Variants in BRINP1 observed in about 807,000 individuals in gnomAD.
BRINP1 encodes the protein BMP/retinoic acid inducible neural specific 1, also known as BMP/retinoic acid-inducible neural-specific protein 1.
BRINP1 carries 17 observed loss-of-function variants against 72.9 expected under a neutral mutation model. The ratio of observed to expected loss-of-function variants is 0.23; its 90% CI spans 0.16 to 0.35. The LOEUF is 0.35. Among genes scored for constraint, BRINP1 ranks in the 10% least tolerant of loss-of-function variants. The probability of loss-of-function intolerance (pLI) is 1.00; values close to 1 mark genes in which losing one functional copy is unlikely to be tolerated. For missense variants in BRINP1, 850 were observed against 1,001.6 expected, an observed-to-expected ratio of 0.85 and a Z score of 2.04; for synonymous variants, 418 against 378.5, an observed-to-expected ratio of 1.10 and a Z score of -1.21.
intron 2 of BRINP1, among the ~76,000 whole-genome samples, chr9:119,277,295 A>G (rs1274752257): frequency 6.6e-6 from 1 of 152,162 alleles, no homozygotes; most frequent in Non-Finnish European, 1.5e-5. Context: ...CGTCCAATGC[A>G]TTGGCTTTGA....
chr9:119,365,409 T>C (rs1360250026), intron 1 of BRINP1, among the ~76,000 whole-genome samples: 1 of 152,200 alleles, frequency 6.6e-6, no homozygotes, highest in East Asian at 1.9e-4. Context: ...TGGTTACCAG[T>C]AGTTCAGCAG....
intron 5 of BRINP1, among the ~76,000 whole-genome samples, chr9:119,225,632 T>C (rs1250024885): frequency 6.6e-6 from 1 of 151,936 alleles, no homozygotes; most frequent in African/African-American, 2.4e-5. Context: ...CCCACGGATA[T>C]GGAACTCAAG....
chr9:119,201,347 TACTCTC>T (rs1003999927), intron 7 of BRINP1, among the ~76,000 whole-genome samples: 2 of 152,244 alleles, frequency 1.3e-5, no homozygotes, highest in African/African-American at 2.4e-5. Context: ...ATTGAACTAT[TACTCTC>T]ATTCTCTGTA....
intron 4 of BRINP1, among the ~76,000 whole-genome samples, chr9:119,241,174 A>G (rs966457002): frequency 1.3e-5 from 2 of 152,208 alleles, no homozygotes; most frequent in Non-Finnish European, 2.9e-5. Context: ...AACTTAAACA[A>G]TGAGCTCCTT....
At chr9:119,236,008 G>T (rs545422894) in intron 5 of BRINP1, among the ~76,000 whole-genome samples, 80 of 152,056 alleles carry the variant, frequency 5.3e-4, no homozygotes, top group Middle Eastern at 3.4e-3. Context: ...TTAAAAGCTG[G>T]GATCCTTGTA....
At chr9:119,270,175 G>A (rs1830593139) in intron 2 of BRINP1, among the ~76,000 whole-genome samples, 1 of 151,984 alleles carries the variant, frequency 6.6e-6, no homozygotes, top group Non-Finnish European at 1.5e-5. Flanking sequence ...GAGTGGTGAG[G>A]GAGGGGCAAG....
rs565190141 is a variant in BRINP1, at chr9:119,173,925, G to T, written c.1146-5701C>A. On this transcript the variant is annotated intron_variant, in intron 7 of 7. Coordinates refer to ENST00000265922, the MANE Select transcript of BRINP1 (RefSeq NM_014618.3). ...CCTATTTAATGGTGCTGGGAAAACT[G>T]GCTAGCCATATGTAGAAAGCTGAAA... Among the ~76,000 whole-genome samples, 9 of 129,894 alleles carry T rather than the reference G, an allele frequency of 6.9e-5. No individual in the cohort carries two copies. In the South Asian group the frequency reaches 2.2e-3, roughly 31 times the overall value. The allele number at this position is 129,894 out of a possible 152,430, so 85.2% of individuals were successfully genotyped here.
intron 5 of BRINP1, among the ~76,000 whole-genome samples, chr9:119,219,677 G>C (rs950472779): frequency 6.9e-6 from 1 of 144,894 alleles, no homozygotes; most frequent in South Asian, 2.1e-4. Context: ...GAGAGAGAGA[G>C]AGAGAGAGAG....
intron 2 of BRINP1, among the ~76,000 whole-genome samples, chr9:119,265,467 T>G (rs1036106115): frequency 1.3e-5 from 2 of 151,712 alleles, no homozygotes; most frequent in African/African-American, 4.8e-5. Context: ...TAGCTGGGTG[T>G]GGTGTCGGGC....
In BRINP1 at chr9:119,249,056, T is replaced by C; in HGVS notation, c.313A>G (p.Ile105Val). The part of the protein sequence containing the change: ...VPLMPEFQRS[I>V]RLLGRRPTTQ... ...GTAGGTCTCCTGCCAAGCAGGCGGA[T>C]GCTCCTTTGAAACTCCGGCATGAGG... is the stretch of plus-strand genomic sequence containing the variant. Residue 105 changes from isoleucine (I) to valine (V), a missense_variant, in exon 3 of 8, where the codon ATC (isoleucine) becomes GTC (valine). Ile to Val is a conservative substitution (Grantham distance 29). Transcript: ENST00000265922. 1 of 1,614,148 alleles carries C rather than the reference T, an allele frequency of 6.2e-7. No individual in the cohort carries two copies.
At chr9:119,202,252 A>G (rs1035622560) in intron 7 of BRINP1, among the ~76,000 whole-genome samples, 4 of 152,214 alleles carry the variant, frequency 2.6e-5, no homozygotes, top group Non-Finnish European at 4.4e-5. Context: ...GATGAAAGCC[A>G]TAAGACTGTG....
chr9:119,265,059 A>G (rs995720683), intron 2 of BRINP1, among the ~76,000 whole-genome samples: 1 of 152,194 alleles, frequency 6.6e-6, no homozygotes, highest in African/African-American at 2.4e-5. Context: ...ATGTACAAAC[A>G]CACTCTAACT....
chr9:119,299,015 T>C (rs530429488), intron 2 of BRINP1, among the ~76,000 whole-genome samples: 142 of 152,316 alleles, frequency 9.3e-4, no homozygotes, highest in African/African-American at 3.4e-3. Flanking sequence ...CATTGAGGAA[T>C]GGCTCAATCA....
chr9:119,324,587 G>A (rs1423533397), intron 1 of BRINP1, among the ~76,000 whole-genome samples: 2 of 152,124 alleles, frequency 1.3e-5, no homozygotes, highest in Non-Finnish European at 2.9e-5. Context: ...ATCAAGAATT[G>A]GAAGATTCAA....
Position 119,331,137 on chromosome 9 carries a change from T to C in BRINP1, c.-50-17732A>G, listed in dbSNP as rs182860243. On this transcript the variant is annotated intron_variant, in intron 1 of 7. Transcript: ENST00000265922. Reference sequence around the variant, plus strand: ...GTGTGATGGGTAGTTTCAGGATCAGTCCATGATTCGACTTAAAGAAGTAAA... The same window carrying C: ...GTGTGATGGGTAGTTTCAGGATCAGCCCATGATTCGACTTAAAGAAGTAAA... 3.9e-5 allele frequency among the ~76,000 whole-genome samples: 6 copies of C among 152,276 alleles called. No individual in the cohort carries two copies. The East Asian group carries it at 9.7e-4, about 25-fold the overall frequency.
chr9:119,259,018 C>T (rs1830472135), intron 2 of BRINP1, among the ~76,000 whole-genome samples: 1 of 152,190 alleles, frequency 6.6e-6, no homozygotes, highest in Non-Finnish European at 1.5e-5. Flanking sequence ...AAGTCATTGA[C>T]TCTGGCAACC....
chr9:119,309,816 T>C (rs1831042261), intron 2 of BRINP1, among the ~76,000 whole-genome samples: 1 of 152,164 alleles, frequency 6.6e-6, no homozygotes, highest in Admixed American at 6.5e-5. Flanking sequence ...GCGTGGGTTA[T>C]GTGGGGATAG....
chr9:119,302,932 T>A (rs545148984), intron 2 of BRINP1, among the ~76,000 whole-genome samples: 2 of 152,268 alleles, frequency 1.3e-5, no homozygotes, highest in South Asian at 4.1e-4. Context: ...AAGGCAGAGA[T>A]GAATAATCCC....
chr9:119,348,697 GA>G (rs1476972573), intron 1 of BRINP1, among the ~76,000 whole-genome samples: 1 of 152,164 alleles, frequency 6.6e-6, no homozygotes, highest in Admixed American at 6.5e-5. Flanking sequence ...ATAGGAAGAG[GA>G]AACAACAGCC....
Sources: gnomAD v4.1 joint callset for allele counts (sites outside exome capture counted in the v4.1 genomes callset) on GRCh38, gnomAD v4.1.1 for gene constraint, MANE v1.5 for transcripts, NCBI Gene and HGNC (gene_info 2026-07-23, HGNC 2026-07-21) for gene names.